Variants in MLKL observed in about 807,000 individuals in gnomAD.
MLKL encodes mixed lineage kinase domain like pseudokinase, also known as mixed lineage kinase domain-like protein.
In MLKL, 55 loss-of-function variants were observed where a neutral mutation model predicts 56.5. The ratio of observed to expected loss-of-function variants is 0.97; its 90% CI spans 0.78 to 1.22. The LOEUF is 1.22. MLKL is among the 50% of genes most tolerant of loss of function. The pLI, the probability that MLKL is intolerant of heterozygous loss-of-function variation, is 0.00. For missense variants in MLKL, 694 were observed against 573.9 expected (o/e 1.21, Z -2.14); for synonymous variants, 251 against 208.3 (o/e 1.20, Z -1.76).
At position 74,690,777 on chromosome 16, in the gene MLKL, G is replaced by C. The variant is rs1297216528; in HGVS notation, c.722+500C>G. 4.8e-5 allele frequency among the ~76,000 whole-genome samples: 3 copies of C among 62,502 alleles called. No homozygotes were observed. The South Asian group carries it at 2.3e-3, about 48-fold the overall frequency. 41.0% of individuals were successfully genotyped at this position (62,502 alleles called of 152,430 possible). A position where few individuals can be genotyped will look rare whatever the true frequency, so the allele number is the denominator to read the frequency against. Reference sequence around the variant, plus strand: ...AGCCTGGACAACAGAGTGAGACCTTGTCTCAAAAAAAAAAAAAAAAAAAAA... The same window carrying C: ...AGCCTGGACAACAGAGTGAGACCTTCTCTCAAAAAAAAAAAAAAAAAAAAA... On this transcript the variant is annotated intron_variant, in intron 4 of 10. Coordinates refer to ENST00000308807, the MANE Select transcript of MLKL (RefSeq NM_152649.4).
At chr16:74,683,352 T>C (rs1004376080) in intron 5 of MLKL, among the ~76,000 whole-genome samples, 2 of 151,584 alleles carry the variant, frequency 1.3e-5, no homozygotes, top group Non-Finnish European at 2.9e-5. Flanking sequence ...TCCTGGCTCT[T>C]TGGGAGGCTG....
At chr16:74,692,508 C>A in intron 2 of MLKL, 92 bp from the exon 3 acceptor site, 1 of 963,664 alleles carries the variant, frequency 1.0e-6, no homozygotes, top group South Asian at 1.5e-5. Context: ...GTTGAGATAT[C>A]ATTTTTTACC....
chr16:74,694,519 C>A (rs141585431), intron 2 of MLKL, among the ~76,000 whole-genome samples: 2 of 152,186 alleles, frequency 1.3e-5, no homozygotes, highest in African/African-American at 4.8e-5. Flanking sequence ...AATCCCAGCA[C>A]TTTGGGAGGC....
At position 74,675,404 on chromosome 16, in the gene MLKL, G is replaced by C. The variant is rs1161596437; in HGVS notation, c.1191C>G (p.Ser397Arg). 1.9e-6 allele frequency: 3 copies of C among 1,613,658 alleles called. No individual in the cohort carries two copies. The East Asian group carries it at 6.7e-5, about 36-fold the overall frequency. Reference protein sequence around the residue: ...YQYDVKSEIYSFGIVLWEIAT... With the variant: ...YQYDVKSEIYRFGIVLWEIAT... ...CGATTTCCCAGAGGACGATTCCAAA[G>C]CTAAAAGAAAACCAAGAAACTGAAC... is the stretch of plus-strand genomic sequence containing the variant. Residue 397 changes from serine to arginine, a missense_variant and splice_region_variant, in exon 9 of 11, where the codon AGC becomes AGG. Physicochemically the swap from Ser to Arg is moderately radical, Grantham distance 110. Transcript: ENST00000308807.
Position 74,672,407 on chromosome 16 carries a change from G to T in MLKL, c.*97C>A. 1 of 1,193,616 alleles carries T rather than the reference G, an allele frequency of 8.4e-7. No individual in the cohort carries two copies. Among genetic ancestry groups the T allele is most frequent in the Non-Finnish European group, 1.2e-6 (1 of 811,880 alleles). 73.9% of individuals were successfully genotyped at this position (1,193,616 alleles called of 1,614,324 possible). Reference sequence around the variant, plus strand: ...AGCGTGCCCACTCCTTGCACCCATAGATAACCCAATGCCGAAGGATATGAG... The same window carrying T: ...AGCGTGCCCACTCCTTGCACCCATATATAACCCAATGCCGAAGGATATGAG... On this transcript the variant is annotated 3_prime_UTR_variant, in exon 11 of 11. Transcript: ENST00000308807.
At chr16:74,674,933 C>G (rs367807657) in intron 10 of MLKL, 27 bp downstream of exon 10, 4 of 1,605,380 alleles carry the variant, frequency 2.5e-6, no homozygotes, top group South Asian at 1.1e-5. Flanking sequence ...ATGGGGCTCA[C>G]GCTCTTTACA....
At position 74,695,612 on chromosome 16, in the gene MLKL, C is replaced by G; in HGVS notation, c.146G>C (p.Gly49Ala). The change falls in exon 2 of 11, where the codon GGA becomes GCA. Residue 49 changes from glycine (G) to alanine (A), a missense_variant. Physicochemically the swap from Gly to Ala is moderately conservative, Grantham distance 60 (BLOSUM62 0). Coordinates refer to ENST00000308807, the MANE Select transcript of MLKL (RefSeq NM_152649.4). ...CTTCTCAGAGGGCACGCTCCTCTTT[C>G]CTTGGTCCTGGAGCATCTCCAGAGG... ...IKPLEMLQDQGKRSVPSEKLT... is the reference protein window; with the variant it reads ...IKPLEMLQDQAKRSVPSEKLT... 1.2e-6 allele frequency: 2 copies of G among 1,614,224 alleles called. No individual in the cohort carries two copies. Among genetic ancestry groups the G allele is most frequent in the South Asian group, 1.1e-5 (1 of 91,084 alleles).
At chr16:74,683,366 C>T (rs1960112247) in intron 5 of MLKL, among the ~76,000 whole-genome samples, 2 of 150,548 alleles carry the variant, frequency 1.3e-5, no homozygotes, top group Non-Finnish European at 2.9e-5. Context: ...GAGGCTGAGG[C>T]TGGTGGATCA....
rs751987600 is a variant in MLKL at position 74,691,288 on chromosome 16, A to C, written c.711T>G (p.Ala237=). ...ACAAAACAACTTACGCAATGCTGCC[A>C]GCCTGGAGTTTTTTGAATACTTTTA... The part of the protein sequence containing the change: ...VAIKVFKKLQ[A]GSIAIVRQTF... The change falls in exon 4 of 11, where the codon GCT becomes GCG. Residue 237 remains alanine, a synonymous_variant. Coordinates refer to ENST00000308807, the MANE Select transcript of MLKL (RefSeq NM_152649.4). 1 of 1,611,226 alleles carries C rather than the reference A, an allele frequency of 6.2e-7. No individual in the cohort carries two copies. Among genetic ancestry groups the C allele is most frequent in the East Asian group, 2.2e-5 (1 of 44,854 alleles).
At chr16:74,673,359 C>T (rs1419861192) in intron 10 of MLKL, among the ~76,000 whole-genome samples, 2 of 151,978 alleles carry the variant, frequency 1.3e-5, no homozygotes, top group East Asian at 1.9e-4. Flanking sequence ...TTGGGATTAC[C>T]GGTGTGTGCC....
chr16:74,695,256 C>A (rs906364483), intron 2 of MLKL, 42 bp downstream of exon 2: 4 of 1,572,026 alleles, frequency 2.5e-6, no homozygotes, highest in African/African-American at 1.4e-5. Flanking sequence ...GACTAAAATG[C>A]ATTCAACTGC....
At chr16:74,683,518 C>A (rs948189333) in intron 5 of MLKL, among the ~76,000 whole-genome samples, 17 of 150,980 alleles carry the variant, frequency 1.1e-4, no homozygotes, top group Admixed American at 5.9e-4. Context: ...ATTGCTTGAA[C>A]CTCGGAGGTG....
At chr16:74,696,998 CA>C (rs1961085323) in intron 1 of MLKL, among the ~76,000 whole-genome samples, 2 of 145,254 alleles carry the variant, frequency 1.4e-5, no homozygotes, top group South Asian at 4.3e-4. Context: ...TATAGTAATA[CA>C]TATATATAAT....
intron 6 of MLKL, 83 bp from the exon 7 acceptor site, chr16:74,679,063 G>A (rs1959780505): frequency 1.8e-6 from 2 of 1,099,884 alleles, no homozygotes; most frequent in South Asian, 1.3e-5. Flanking sequence ...GGGCTGATGA[G>A]GCTGGACAGT....
At chr16:74,693,654 G>T (rs1001797971) in intron 2 of MLKL, among the ~76,000 whole-genome samples, 6 of 147,160 alleles carry the variant, frequency 4.1e-5, no homozygotes, top group Admixed American at 7.0e-5. Flanking sequence ...CCAGGCTGGA[G>T]TGCAGTGGAG....
chr16:74,695,979 T>A (rs1231377582), intron 1 of MLKL, among the ~76,000 whole-genome samples: 3 of 152,192 alleles, frequency 2.0e-5, no homozygotes, highest in Non-Finnish European at 1.5e-5. Flanking sequence ...CGGAACTACA[T>A]CTCCCAGCCT....
rs775276194 is a variant in MLKL at position 74,682,644 on chromosome 16, G to A, written c.956+7C>T. On this transcript the variant is annotated splice_region_variant and intron_variant, in intron 6 of 10. Coordinates refer to ENST00000308807, the MANE Select transcript of MLKL (RefSeq NM_152649.4). ...ACCCTTAGTGGCGCCTTTTCACCCC[G>A]TCTTACCGGTATAGGCCTCGGGCTG... 31 of 1,613,626 alleles carry A rather than the reference G, an allele frequency of 1.9e-5. No homozygotes were observed. The highest frequency in any genetic ancestry group is 1.2e-4 in the South Asian group (11 of 91,066).
intron 4 of MLKL, among the ~76,000 whole-genome samples, chr16:74,686,335 C>A (rs957330235): frequency 6.6e-6 from 1 of 152,136 alleles, no homozygotes; most frequent in Non-Finnish European, 1.5e-5. Context: ...GTAATCCCAG[C>A]ACTTTGGGAG....
chr16:74,684,743 C>T (rs897005488), intron 5 of MLKL, among the ~76,000 whole-genome samples: 33 of 152,192 alleles, frequency 2.2e-4, no homozygotes, highest in African/African-American at 8.0e-4. Context: ...ATCCACCCAC[C>T]TCAGCCTCCC....
Sources: gnomAD v4.1 joint callset for allele counts (sites outside exome capture counted in the v4.1 genomes callset) on GRCh38, gnomAD v4.1.1 for gene constraint, MANE v1.5 for transcripts, NCBI Gene and HGNC (gene_info 2026-07-23, HGNC 2026-07-21) for gene names.